Variants in DNAH2 observed in about 807,000 individuals in gnomAD.
DNAH2 encodes axonemal beta dynein heavy chain 2.
Under a neutral mutation model 523.5 loss-of-function variants are expected in DNAH2, and 323 were observed. The ratio of observed to expected loss-of-function variants is 0.62; its 90% CI spans 0.56 to 0.68. DNAH2 has a LOEUF of 0.68. DNAH2 is among the 30% of genes least tolerant of loss of function. DNAH2 has a pLI of 0.00. For missense variants in DNAH2, 4,907 were observed against 5,701.5 expected, an observed-to-expected ratio of 0.86 and a Z score of 4.49; for synonymous variants, 2,093 against 2,177.4, an observed-to-expected ratio of 0.96 and a Z score of 1.08.
intron 12 of DNAH2, among the ~76,000 whole-genome samples, chr17:7,755,932 A>G (rs931231518): frequency 2.6e-5 from 4 of 151,160 alleles, no homozygotes; most frequent in Admixed American, 2.6e-4. Flanking sequence ...CCTGACTGAT[A>G]TCTCATTTAA....
At chr17:7,829,720 G>A (rs1269545004) in intron 77 of DNAH2, among the ~76,000 whole-genome samples, 9 of 151,984 alleles carry the variant, frequency 5.9e-5, no homozygotes, top group Non-Finnish European at 1.0e-4. Flanking sequence ...CATCAGGGCC[G>A]AGAGGATCAA....
At chr17:7,743,203 T>C in intron 12 of DNAH2, 61 bp downstream of exon 12, 1 of 1,526,806 alleles carries the variant, frequency 6.5e-7, no homozygotes. Context: ...CCCAAGAATT[T>C]CACTCCCATC....
chr17:7,771,014 T>G, intron 27 of DNAH2, 81 bp downstream of exon 27: 1 of 1,463,494 alleles, frequency 6.8e-7, no homozygotes, highest in Non-Finnish European at 9.3e-7. Flanking sequence ...TGCCCTGTTA[T>G]CAGCCTCATT....
At position 7,739,893 on chromosome 17, in the gene DNAH2, G is replaced by T; in HGVS notation, c.1331G>T (p.Gly444Val). 6.2e-7 allele frequency: 1 copy of T among 1,613,952 alleles called. No homozygotes were observed. The highest frequency in any genetic ancestry group is 1.1e-5 in the South Asian group (1 of 91,070). The change falls in exon 9 of 86, where the codon GGT becomes GTT. Residue 444 changes from glycine (G) to valine (V), a missense_variant. Gly to Val is a moderately radical substitution (Grantham distance 109). Around this residue, in one of 3 missense-constraint regions of DNAH2, gnomAD observed 2,806 missense variants for 3,190.8 expected, o/e 0.88. Coordinates refer to ENST00000572933, the MANE Select transcript of DNAH2 (RefSeq NM_020877.5). ...CACACGCTGCGAGCCGTTCGCGGGG[G>T]TATCCTGGATGTCAAGAACACCTGT... Reference protein sequence around the residue: ...NLHTLRAVRGGILDVKNTCWH... With the variant: ...NLHTLRAVRGVILDVKNTCWH...
chr17:7,729,736 G>A (rs576120064), intron 4 of DNAH2, among the ~76,000 whole-genome samples: 78 of 152,260 alleles, frequency 5.1e-4, no homozygotes, highest in African/African-American at 1.8e-3. Context: ...GGCTTGAGCC[G>A]AGGTGTTTTA....
At chr17:7,730,585 G>A (rs574304582) in intron 4 of DNAH2, among the ~76,000 whole-genome samples, 3 of 152,258 alleles carry the variant, frequency 2.0e-5, no homozygotes, top group Non-Finnish European at 2.9e-5. Flanking sequence ...TCCCCTATGC[G>A]GTAATCCTGC....
At chr17:7,795,310 C>A (rs978195978) in intron 49 of DNAH2, among the ~76,000 whole-genome samples, 1 of 151,694 alleles carries the variant, frequency 6.6e-6, no homozygotes, top group African/African-American at 2.4e-5. Context: ...ATCAGTAATC[C>A]CCATCTGGTC....
rs755151075 is a variant in DNAH2, at chr17:7,824,197, T to C, written c.11555T>C (p.Leu3852Pro). The change falls in exon 76 of 86, where the codon CTG (leucine) becomes CCG (proline). Residue 3852 changes from leucine to proline, a missense_variant. Transcript: ENST00000572933. ...GGTGTGGACCCCACCAGTGCCCTGCTGCAGCTGGCAGAGCACATGGGCATG... is the reference window on the plus strand; with the variant it reads ...GGTGTGGACCCCACCAGTGCCCTGCCGCAGCTGGCAGAGCACATGGGCATG... ...SPGVDPTSAL[L>P]QLAEHMGMAQ... 6.2e-7 allele frequency: 1 copy of C among 1,606,464 alleles called. No homozygotes were observed. Among genetic ancestry groups the C allele is most frequent in the Non-Finnish European group, 8.5e-7 (1 of 1,178,110 alleles).
In DNAH2 at chr17:7,780,952, T is replaced by C. The variant is rs1281201663; in HGVS notation, c.6004-90T>C. On this transcript the variant is annotated intron_variant, in intron 38 of 85. Coordinates refer to ENST00000572933, the MANE Select transcript of DNAH2 (RefSeq NM_020877.5). This position sits in a 1 kb window ranked among gnomAD's most constrained non-coding sequence, Gnocchi z 4.4. ...TGCTAATGGCTAACTGGTGTATCCATTGTTCTTGGCACGTGCCCCGAAGCC... is the reference window on the plus strand; with the variant it reads ...TGCTAATGGCTAACTGGTGTATCCACTGTTCTTGGCACGTGCCCCGAAGCC... The C allele has an allele frequency of 1.6e-5, 25 of 1,601,492 alleles. No homozygotes were observed. The highest frequency in any genetic ancestry group is 2.1e-5 in the Non-Finnish European group (25 of 1,173,590).
At chr17:7,735,890 T>C (rs1194039901) in intron 7 of DNAH2, among the ~76,000 whole-genome samples, 1 of 151,944 alleles carries the variant, frequency 6.6e-6, no homozygotes, top group Non-Finnish European at 1.5e-5. Flanking sequence ...GTAGCTGAGA[T>C]TACAGGTGCC....
chr17:7,785,094 A>AT (rs33990598), intron 39 of DNAH2, among the ~76,000 whole-genome samples: 1,645 of 134,846 alleles, frequency 0.012, 23 homozygotes, highest in African/African-American at 0.041. Flanking sequence ...AAATTAGAGA[A>AT]TTTTTTTTTT....
At chr17:7,764,812 G>T in intron 20 of DNAH2, among the ~76,000 whole-genome samples, 1 of 118,532 alleles carries the variant, frequency 8.4e-6, no homozygotes, top group Non-Finnish European at 1.7e-5. Context: ...TTTGGTTTTG[G>T]CCTCATTCTC....
chr17:7,787,235 A>C, intron 42 of DNAH2: 1 of 681,636 alleles, frequency 1.5e-6, no homozygotes, highest in Non-Finnish European at 2.4e-6. Context: ...AATGATAAGA[A>C]AAACACCCTC....
At chr17:7,766,245 A>G in intron 21 of DNAH2, 73 bp from the exon 22 acceptor site, 1 of 1,516,998 alleles carries the variant, frequency 6.6e-7, no homozygotes, top group Non-Finnish European at 9.0e-7. Flanking sequence ...TTGCCCACAA[A>G]GAGATAGGAG....
chr17:7,739,950 A>G lies in DNAH2; in HGVS notation c.1376+12A>G. Reference sequence around the variant, plus strand: ...GAAGACTACAATAAGTGAGGGAACCACAGGCTGATGCCAGGCGTGGGCAGG... The same window carrying G: ...GAAGACTACAATAAGTGAGGGAACCGCAGGCTGATGCCAGGCGTGGGCAGG... On this transcript the variant is annotated intron_variant, in intron 9 of 85. Transcript: ENST00000572933. 1 of 1,613,050 alleles carries G rather than the reference A, an allele frequency of 6.2e-7. No individual in the cohort carries two copies. Among genetic ancestry groups the G allele is most frequent in the Non-Finnish European group, 8.5e-7 (1 of 1,179,270 alleles).
intron 17 of DNAH2, 29 bp downstream of exon 17, chr17:7,759,967 C>T (rs2075959486): frequency 6.2e-7 from 1 of 1,613,890 alleles, no homozygotes; most frequent in Non-Finnish European, 8.5e-7. Context: ...GGGCACAAGG[C>T]ACAGGGTTTC....
Position 7,733,111 on chromosome 17 carries a change from A to ATGGAGAC in DNAH2, c.425_426insGGAGACT (p.Ile142MetfsTer52). 6.2e-7 allele frequency: 1 copy of ATGGAGAC among 1,614,134 alleles called. No homozygotes were observed. The highest frequency in any genetic ancestry group is 8.5e-7 in the Non-Finnish European group (1 of 1,180,026). On this transcript the variant is annotated frameshift_variant, in exon 5 of 86. Transcript: ENST00000572933. LOFTEE classifies it high-confidence loss of function. ...GACCCAGAACCAGCTTGTCTACTTC[A>ATGGAGAC]TTCGCCAAGCACCAGTTCCCATCAC...
At position 7,833,050 on chromosome 17, in the gene DNAH2, CCTG is replaced by C; in HGVS notation, c.12979-18_12979-16del. The C allele has an allele frequency of 6.2e-7, 1 of 1,613,358 alleles. No individual in the cohort carries two copies. Among genetic ancestry groups the C allele is most frequent in the Non-Finnish European group, 8.5e-7 (1 of 1,180,014 alleles). ...CAATTGAAGTCTAGCTTCTCCCAGA[CCTG>C]CTCCCATTTCTCCCCAGGATGGTGT... On this transcript the variant is annotated intron_variant, in intron 84 of 85. Transcript: ENST00000572933.
In DNAH2 at chr17:7,792,028, G is replaced by A. The variant is rs777780939; in HGVS notation, c.7012G>A (p.Asp2338Asn). 2.1e-5 allele frequency: 34 copies of A among 1,613,514 alleles called. No individual in the cohort carries two copies. The highest frequency in any genetic ancestry group is 4.5e-5 in the East Asian group (2 of 44,864). Residue 2338 changes from aspartate (D) to asparagine (N), a missense_variant, in exon 45 of 86, where the codon GAC (aspartate) becomes AAC (asparagine). By Grantham distance (23) the Asp-to-Asn change is conservative (BLOSUM62 1). Around this residue, in one of 3 missense-constraint regions of DNAH2, gnomAD observed 2,806 missense variants for 3,190.8 expected, o/e 0.88. Coordinates refer to ENST00000572933, the MANE Select transcript of DNAH2 (RefSeq NM_020877.5). ...GGATGAGGAGGGCCGGAAGAGGATC[G>A]ACAGCTACCTCCGAGAGATCGAGGG... Reference protein sequence around the residue: ...SVDEEGRKRIDSYLREIEGSF... With the variant: ...SVDEEGRKRINSYLREIEGSF...
Sources: allele counts gnomAD v4.1 joint callset (sites outside exome capture counted in the v4.1 genomes callset), GRCh38; gene constraint gnomAD v4.1.1; regional missense constraint gnomAD v4.1.1; non-coding constraint Gnocchi (gnomAD v3.1); transcripts MANE v1.5; gene names NCBI Gene and HGNC (gene_info 2026-07-23, HGNC 2026-07-21).